Variants in LRRD1 observed in about 807,000 individuals in gnomAD.
The protein encoded by LRRD1 is leucine-rich repeat and death domain-containing protein 1.
LRRD1 carries 49 observed loss-of-function variants against 69.5 expected under a neutral mutation model. The ratio of observed to expected loss-of-function variants is 0.70; its 90% CI spans 0.56 to 0.89. The LOEUF (loss-of-function observed/expected upper bound fraction) is 0.89, where lower values mean the gene tolerates loss of function less well. Among genes scored for constraint, LRRD1 ranks in the 40% least tolerant of loss-of-function variants. The probability of loss-of-function intolerance (pLI) is 0.00; values close to 1 mark genes in which losing one functional copy is unlikely to be tolerated. For synonymous variants in LRRD1, 303 were observed against 338.9 expected, an observed-to-expected ratio of 0.89 and a Z score of 1.16; for missense variants, 853 against 956.0, an observed-to-expected ratio of 0.89 and a Z score of 1.42.
chr7:92,148,791 G>A (rs561044221), intron 4 of LRRD1, among the ~76,000 whole-genome samples: 4 of 152,180 alleles, frequency 2.6e-5, no homozygotes, highest in African/African-American at 4.8e-5. Context: ...ACTGTCACCC[G>A]GGCTGGAGTG....
At chr7:92,146,614 CAA>C (rs35072020) in intron 4 of LRRD1, among the ~76,000 whole-genome samples, 85 of 130,848 alleles carry the variant, frequency 6.5e-4, no homozygotes, top group African/African-American at 1.2e-3. Flanking sequence ...AAGACTGTCT[CAA>C]AAAAAAAAAA....
At chr7:92,162,914 A>G (rs956312734) in intron 2 of LRRD1, among the ~76,000 whole-genome samples, 9 of 152,334 alleles carry the variant, frequency 5.9e-5, no homozygotes, top group Admixed American at 4.6e-4. Flanking sequence ...GTTATAATAC[A>G]ATGATATGCT....
chr7:92,163,907 T>C lies in LRRD1; in HGVS notation c.1296A>G (p.Lys432=). 1 of 1,534,638 alleles carries C rather than the reference T, an allele frequency of 6.5e-7. No homozygotes were observed. ...KLHVNRNNMV[K]ITDCISHLNN... ...TAAGATGTGAGATACAGTCAGTTAT[T>C]TTTACCATATTATTTCTGTTTACAT... Residue 432 remains lysine, a synonymous_variant, in exon 2 of 6, where the codon AAA becomes AAG. Coordinates refer to ENST00000458448, the MANE Select transcript of LRRD1 (RefSeq NM_001161528.2).
chr7:92,156,643 C>T (rs7783414), intron 3 of LRRD1, among the ~76,000 whole-genome samples: 68,433 of 151,990 alleles, frequency 0.45, 16,514 homozygotes, highest in African/African-American at 0.63. Flanking sequence ...ACTCTGTATA[C>T]GGCAATCTTG....
At chr7:92,167,602 G>A (rs1308583844) in intron 1 of LRRD1, among the ~76,000 whole-genome samples, 1 of 151,680 alleles carries the variant, frequency 6.6e-6, no homozygotes, top group Non-Finnish European at 1.5e-5. Flanking sequence ...GCTCAGCCGG[G>A]CGCGGTGGCT....
chr7:92,167,082 A>C (rs1209226450), intron 1 of LRRD1, among the ~76,000 whole-genome samples: 1 of 151,854 alleles, frequency 6.6e-6, no homozygotes, highest in Admixed American at 6.6e-5. Flanking sequence ...GTCAACATAC[A>C]CAAGTCAATT....
chr7:92,158,148 T>C (rs967969238), intron 3 of LRRD1, among the ~76,000 whole-genome samples: 3 of 152,136 alleles, frequency 2.0e-5, no homozygotes, highest in African/African-American at 7.2e-5. Flanking sequence ...GTGTGATCAA[T>C]AGAATAGAGC....
intron 1 of LRRD1, among the ~76,000 whole-genome samples, chr7:92,165,678 T>C (rs1345323777): frequency 1.3e-5 from 2 of 151,946 alleles, no homozygotes; most frequent in Admixed American, 6.6e-5. Context: ...TGGCCTAACA[T>C]GGCAAAACCC....
intron 3 of LRRD1, 66 bp downstream of exon 3, chr7:92,158,939 A>C: frequency 7.5e-7 from 1 of 1,334,710 alleles, no homozygotes. Flanking sequence ...TTGTCAGCAA[A>C]ATTTGCAACT....
intron 1 of LRRD1, among the ~76,000 whole-genome samples, chr7:92,174,509 A>ATTTTT (rs35052440): frequency 3.1e-4 from 4 of 12,864 alleles, no homozygotes; most frequent in Non-Finnish European, 4.9e-4. Context: ...ATATATATAT[A>ATTTTT]TTTTTTTTTT....
chr7:92,144,418 G>A (rs553041281), downstream of LRRD1, among the ~76,000 whole-genome samples: 54 of 152,218 alleles, frequency 3.5e-4, no homozygotes, highest in African/African-American at 1.3e-3. Flanking sequence ...CACAAGGTCA[G>A]GAGATGGAGA....
At chr7:92,175,395 C>T (rs1789170092) in intron 1 of LRRD1, among the ~76,000 whole-genome samples, 1 of 152,130 alleles carries the variant, frequency 6.6e-6, no homozygotes, top group Non-Finnish European at 1.5e-5. Flanking sequence ...TGCCTGCAAT[C>T]CCAGCACTTA....
At chr7:92,145,327 G>C (rs1174047730) in intron 5 of LRRD1, among the ~76,000 whole-genome samples, 1 of 151,096 alleles carries the variant, frequency 6.6e-6, no homozygotes, top group Non-Finnish European at 1.5e-5. Context: ...CCCATCCCTT[G>C]TACCCTTATA....
At chr7:92,173,193 A>AT (rs2131023587) in intron 1 of LRRD1, among the ~76,000 whole-genome samples, 1 of 152,318 alleles carries the variant, frequency 6.6e-6, no homozygotes, top group East Asian at 1.9e-4. Flanking sequence ...CAAAAATCAA[A>AT]TCAAAATGGC....
At position 92,146,099 on chromosome 7, in the gene LRRD1, C is replaced by T. The variant is rs1444135303; in HGVS notation, c.2380G>A (p.Asp794Asn). Residue 794 changes from aspartate (D) to asparagine (N), a missense_variant, in exon 5 of 6, where the codon GAT (aspartate) becomes AAT (asparagine). This residue lies in a region of LRRD1 where 739 missense variants were observed against 808.0 expected (regional missense o/e 0.91). Coordinates refer to ENST00000458448, the MANE Select transcript of LRRD1 (RefSeq NM_001161528.2). The stretch of plus-strand genomic sequence containing the variant: ...TATACATACCTCTTTGTAGGCATAT[C>T]AGTTTCTGAGTTTGCCAGGTTTAGT... ...QKLNLANSET[D>N]MPTKSTVSLS... 4 of 1,523,328 alleles carry T rather than the reference C, an allele frequency of 2.6e-6. No homozygotes were observed. In the African/African-American group the frequency reaches 5.6e-5, roughly 21 times the overall value. The allele number at this position is 1,523,328 out of a possible 1,614,324, so 94.4% of individuals were successfully genotyped here.
chr7:92,175,133 A>C (rs1049892989), intron 1 of LRRD1, among the ~76,000 whole-genome samples: 1 of 152,200 alleles, frequency 6.6e-6, no homozygotes, highest in African/African-American at 2.4e-5. Context: ...CTCCACTCAA[A>C]GTTTCTCAAA....
chr7:92,142,950 G>A (rs539779488), downstream of LRRD1: 115 of 263,634 alleles, frequency 4.4e-4, no homozygotes, highest in Admixed American at 6.4e-4. Context: ...ACCGGAACAG[G>A]TTGCCACTGC....
At chr7:92,143,017 T>A, downstream of LRRD1, 1 of 238,098 alleles carries the variant, frequency 4.2e-6, no homozygotes, top group Non-Finnish European at 8.5e-6. Context: ...TCCTGCTGAT[T>A]GGTCCATTTT....
At chr7:92,167,620 G>A (rs1788940542) in intron 1 of LRRD1, among the ~76,000 whole-genome samples, 1 of 151,650 alleles carries the variant, frequency 6.6e-6, no homozygotes, top group African/African-American at 2.4e-5. Context: ...GCTCACGCCT[G>A]TAATCCCAGC....
Sources: gnomAD v4.1 joint callset for allele counts (sites outside exome capture counted in the v4.1 genomes callset) on GRCh38, gnomAD v4.1.1 for gene constraint, gnomAD v4.1.1 regional missense constraint, MANE v1.5 for transcripts, NCBI Gene and HGNC (gene_info 2026-07-23, HGNC 2026-07-21) for gene names.